Variants in HPS5 observed in about 807,000 individuals in gnomAD.
HPS5 encodes HPS5 biogenesis of lysosomal organelles complex 2 subunit 2, also known as BLOC-2 complex member HPS5.
In HPS5, 83 loss-of-function variants were observed where a neutral mutation model predicts 128.0. That is an observed-to-expected ratio of 0.65 (90% CI 0.54 to 0.78). The LOEUF is 0.78. HPS5 is among the 30% of genes least tolerant of loss of function. The pLI, the probability that HPS5 is intolerant of heterozygous loss-of-function variation, is 0.00. For missense variants in HPS5, 1,281 were observed against 1,326.2 expected (o/e 0.97, Z 0.53); for synonymous variants, 475 against 470.2 (o/e 1.01, Z -0.13).
At chr11:18,297,078 GAAAGTTA>G (rs765039112) in intron 11 of HPS5, 94 bp from the exon 12 acceptor site, 64 of 843,174 alleles carry the variant, frequency 7.6e-5, no homozygotes, top group Non-Finnish European at 1.1e-4. Flanking sequence ...CACTCAAATA[GAAAGTTA>G]ATAACAACCA....
In HPS5 at chr11:18,300,840, T is replaced by A; in HGVS notation, c.973A>T (p.Ser325Cys). 1 of 1,555,930 alleles carries A rather than the reference T, an allele frequency of 6.4e-7. No homozygotes were observed. Among genetic ancestry groups the A allele is most frequent in the Non-Finnish European group, 8.9e-7 (1 of 1,127,536 alleles). ...AAAATATAATTACCTTTGACTTCAC[T>A]CCAAAGAAGAACTTGAACATTCTGA... ...IPQNVQVLLW[S>C]EVKDIQDVAV... The change falls in exon 9 of 23, where the codon AGT becomes TGT. Residue 325 changes from serine (S) to cysteine (C), a missense_variant. By Grantham distance (112) the Ser-to-Cys change is moderately radical. Transcript: ENST00000349215.
Position 18,292,927 on chromosome 11 carries a change from C to T in HPS5, c.1834G>A (p.Glu612Lys), listed in dbSNP as rs1297189261. Residue 612 changes from glutamate to lysine, a missense_variant, in exon 15 of 23, where the codon GAG becomes AAG. Glu to Lys is a moderately conservative substitution (Grantham distance 56). Coordinates refer to ENST00000349215, the MANE Select transcript of HPS5 (RefSeq NM_181507.2). ...GCTTCTGCTGTTGCTACTTTAAGCT[C>T]CTGGAACCTGTCTTCTTCTGGAGGT... The part of the protein sequence containing the change: ...SPPPEEDRFQ[E>K]LKVATAEAMT... 2 of 1,614,076 alleles carry T rather than the reference C, an allele frequency of 1.2e-6. No homozygotes were observed. Among genetic ancestry groups the T allele is most frequent in the Non-Finnish European group, 1.7e-6 (2 of 1,179,942 alleles).
rs1862237639 is a variant in HPS5, at chr11:18,305,450, A to C, written c.868T>G (p.Leu290Val). 2 of 1,610,984 alleles carry C rather than the reference A, an allele frequency of 1.2e-6. No individual in the cohort carries two copies. The highest frequency in any genetic ancestry group is 2.7e-5 in the African/African-American group (2 of 74,986). The change falls in exon 8 of 23, where the codon TTG becomes GTG. Residue 290 changes from leucine to valine, a missense_variant. By Grantham distance (32) the Leu-to-Val change is conservative. Coordinates refer to ENST00000349215, the MANE Select transcript of HPS5 (RefSeq NM_181507.2). ...YDHTAGSSQS[L>V]SFPKLLHLSE... is the part of the protein sequence containing the mutation. ...AGATGTAAGAGTTTGGGGAAAGACA[A>C]AGACTGGGAGGATCCAGCTGTATGA...
chr11:18,291,886 A>G lies in HPS5; in HGVS notation c.1996T>C (p.Ser666Pro). ...AGCACATCCTGGTTCAATTTCATGG[A>G]TGAGTTGTCAGTATCTGAAACACCT... ...FSGVSDTDNS[S>P]MKLNQDVLLV... The change falls in exon 16 of 23, where the codon TCC (serine) becomes CCC (proline). Residue 666 changes from serine (S) to proline (P), a missense_variant. By Grantham distance (74) the Ser-to-Pro change is moderately conservative. Transcript: ENST00000349215. The G allele has an allele frequency of 6.2e-7, 1 of 1,607,184 alleles. No homozygotes were observed. The highest frequency in any genetic ancestry group is 8.5e-7 in the Non-Finnish European group (1 of 1,176,556).
chr11:18,293,194 AG>A (rs1860647177), intron 14 of HPS5, among the ~76,000 whole-genome samples: 1 of 151,510 alleles, frequency 6.6e-6, no homozygotes, highest in Non-Finnish European at 1.5e-5. Flanking sequence ...TTTGAGACAG[AG>A]TCACGCTCTG....
intron 12 of HPS5, chr11:18,296,545 A>G: frequency 5.0e-6 from 3 of 603,906 alleles, no homozygotes. Context: ...TTCTTTCATA[A>G]CCTTTCCAGC....
intron 12 of HPS5, chr11:18,296,542 A>C (rs1423572747): frequency 3.3e-6 from 2 of 603,324 alleles, no homozygotes; most frequent in Non-Finnish European, 5.9e-6. Flanking sequence ...CCTTTCTTTC[A>C]TAACCTTTCC....
chr11:18,307,195 G>T (rs140023017), intron 6 of HPS5, among the ~76,000 whole-genome samples: 1 of 152,216 alleles, frequency 6.6e-6, no homozygotes, highest in East Asian at 1.9e-4. Context: ...ACAGTGTCAG[G>T]CCTACAAAAA....
Position 18,278,929 on chromosome 11 carries a change from G to A in HPS5, c.*953C>T, listed in dbSNP as rs890002336. ...CTTCTTAGAAATAATTTTAAAAAGT[G>A]CATGATTCTTGTGGGCTACTCTGTT... is the stretch of plus-strand genomic sequence containing the variant. On this transcript the variant is annotated 3_prime_UTR_variant, in exon 23 of 23. Transcript: ENST00000349215. 1 of 152,390 alleles carries A rather than the reference G, an allele frequency of 6.6e-6. No homozygotes were observed. Among genetic ancestry groups the A allele is most frequent in the African/African-American group, 2.4e-5 (1 of 41,430 alleles). 9.4% of individuals were successfully genotyped at this position (152,390 alleles called of 1,614,324 possible).
chr11:18,296,607 G>A (rs550619104), intron 12 of HPS5, 191 bp downstream of exon 12: 285 of 709,534 alleles, frequency 4.0e-4, no homozygotes, highest in Admixed American at 7.6e-4. Flanking sequence ...AACGTGAGGG[G>A]AAAAAATACT....
intron 20 of HPS5, 65 bp downstream of exon 20, chr11:18,285,281 A>C (rs1488381621): frequency 3.1e-6 from 3 of 970,732 alleles, no homozygotes; most frequent in African/African-American, 3.2e-5. Flanking sequence ...CAGACCCTTA[A>C]CTATAAAGTT....
In HPS5 at chr11:18,296,903, AG is replaced by A. The variant is rs1861139106; in HGVS notation, c.1404del (p.Ser469ProfsTer43). 1.2e-6 allele frequency: 2 copies of A among 1,612,152 alleles called. No individual in the cohort carries two copies. Among genetic ancestry groups the A allele is most frequent in the Non-Finnish European group, 1.7e-6 (2 of 1,178,228 alleles). ...RRGSQSDEDS[C>X]SLHSQTLSED... ...TCTGAGAGGGTTTGGCTGTGAAGGG[AG>A]CAAGAGTCTTCATCTGACTGACTGC... On this transcript the variant is annotated frameshift_variant, in exon 12 of 23. Transcript: ENST00000349215. LOFTEE classifies it high-confidence loss of function.
intron 1 of HPS5, among the ~76,000 whole-genome samples, chr11:18,318,140 A>G (rs1863862669): frequency 6.6e-6 from 1 of 152,168 alleles, no homozygotes; most frequent in Non-Finnish European, 1.5e-5. Context: ...CCATAAGCCT[A>G]TCCCCCTGTA....
At chr11:18,311,314 C>A in intron 4 of HPS5, 73 bp downstream of exon 4, 1 of 1,074,680 alleles carries the variant, frequency 9.3e-7, no homozygotes, top group South Asian at 1.3e-5. Context: ...GATGGTTGGT[C>A]ACCCTAACAA....
Position 18,287,916 on chromosome 11 carries a change from C to T in HPS5, c.2538G>A (p.Pro846=), listed in dbSNP as rs770036861. Residue 846 remains proline, a synonymous_variant, in exon 17 of 23, where the codon CCG becomes CCA. Coordinates refer to ENST00000349215, the MANE Select transcript of HPS5 (RefSeq NM_181507.2). ...LLDDEVPFDS[P]LLVVYATRLY... is the part of the protein sequence containing the mutation. ...ACCGGGTAGCATAAACAACCAACAA[C>T]GGACTATCAAAAGGAACCTCGTCAT... 6.8e-5 allele frequency: 109 copies of T among 1,613,884 alleles called. No homozygotes were observed. The highest frequency in any genetic ancestry group is 4.7e-4 in the Admixed American group (28 of 60,004).
At chr11:18,305,157 G>A (rs1249524778) in intron 8 of HPS5, among the ~76,000 whole-genome samples, 3 of 152,120 alleles carry the variant, frequency 2.0e-5, no homozygotes, top group Admixed American at 6.5e-5. Context: ...GTTATGAGGC[G>A]GTTAGTAGAG....
At chr11:18,284,517 T>A (rs1339777965) in intron 20 of HPS5, among the ~76,000 whole-genome samples, 1 of 152,180 alleles carries the variant, frequency 6.6e-6, no homozygotes, top group African/African-American at 2.4e-5. Flanking sequence ...AGAAATGATC[T>A]CTAGAAAGCT....
intron 20 of HPS5, among the ~76,000 whole-genome samples, chr11:18,284,167 GA>G (rs754365965): frequency 1.1e-4 from 15 of 132,506 alleles, no homozygotes; most frequent in East Asian, 4.3e-4. Flanking sequence ...CTGATCTAGG[GA>G]AAAAAAAAAA....
At chr11:18,285,154 A>AG (rs1267694884) in intron 20 of HPS5, among the ~76,000 whole-genome samples, 192 bp downstream of exon 20, 1 of 152,028 alleles carries the variant, frequency 6.6e-6, no homozygotes, top group African/African-American at 2.4e-5. Flanking sequence ...AAAAAAAAAA[A>AG]AAAAGAAAAA....
Sources: allele counts gnomAD v4.1 joint callset (sites outside exome capture counted in the v4.1 genomes callset), GRCh38; gene constraint gnomAD v4.1.1; transcripts MANE v1.5; gene names NCBI Gene and HGNC (gene_info 2026-07-23, HGNC 2026-07-21).